The following DLGAP2 variants were observed in gnomAD, a reference collection of about 807,000 sequenced individuals.
The protein encoded by DLGAP2 is disks large-associated protein 2.
DLGAP2 carries 26 observed loss-of-function variants against 100.3 expected under a neutral mutation model. The ratio of observed to expected loss-of-function variants is 0.26; its 90% confidence interval spans 0.19 to 0.36. The LOEUF (loss-of-function observed/expected upper bound fraction) is 0.36. Ranked by LOEUF, DLGAP2 falls within the 10% of genes least tolerant of loss-of-function variation. The pLI, the probability that DLGAP2 is intolerant of heterozygous loss-of-function variation, is 1.00. For missense variants in DLGAP2, 1,858 were observed against 1,453.2 expected (o/e 1.28, Z -4.53); for synonymous variants, 886 against 630.1 (o/e 1.41, Z -6.08).
At chr8:951,797 A>G (rs1295884698) in intron 2 of DLGAP2, among the ~76,000 whole-genome samples, 2 of 152,186 alleles carry the variant, frequency 1.3e-5, no homozygotes, top group African/African-American at 2.4e-5. Context: ...GAGAGTAACT[A>G]ATGACCTTAG....
At chr8:1,054,166 G>C (rs1802804293) in intron 2 of DLGAP2, among the ~76,000 whole-genome samples, 1 of 152,006 alleles carries the variant, frequency 6.6e-6, no homozygotes, top group African/African-American at 2.4e-5. Context: ...TTGAGTACAG[G>C]CATGAATGCA....
intron 1 of DLGAP2, among the ~76,000 whole-genome samples, chr8:814,089 G>A (rs1265572724): frequency 1.3e-5 from 2 of 152,170 alleles, no homozygotes; most frequent in African/African-American, 4.8e-5. Flanking sequence ...TTTGAAGGAA[G>A]GTTTCAGATT....
At chr8:779,096 C>G (rs898470613) in intron 1 of DLGAP2, among the ~76,000 whole-genome samples, 1 of 152,204 alleles carries the variant, frequency 6.6e-6, no homozygotes, top group Non-Finnish European at 1.5e-5. Context: ...GGGAGTGACC[C>G]GATTTTCCAG....
chr8:1,382,805 C>T (rs1409906991), intron 3 of DLGAP2, among the ~76,000 whole-genome samples: 3 of 152,080 alleles, frequency 2.0e-5, no homozygotes, highest in African/African-American at 7.2e-5. Context: ...AATCAGAAGC[C>T]ATATTGAATG....
chr8:1,167,186 G>A (rs73184510), intron 2 of DLGAP2, among the ~76,000 whole-genome samples: 28,439 of 152,034 alleles, frequency 0.19, 2,844 homozygotes, highest in Middle Eastern at 0.34. Flanking sequence ...TGACTTACAT[G>A]ACCGAAAAAG....
At chr8:999,238 C>A (rs1343425969) in intron 2 of DLGAP2, among the ~76,000 whole-genome samples, 1 of 151,728 alleles carries the variant, frequency 6.6e-6, no homozygotes, top group Non-Finnish European at 1.5e-5. Context: ...GTTTTGTCTC[C>A]TGCTTGTTTT....
intron 2 of DLGAP2, among the ~76,000 whole-genome samples, chr8:1,026,292 C>G (rs1427151686): frequency 6.6e-6 from 1 of 152,174 alleles, no homozygotes; most frequent in Non-Finnish European, 1.5e-5. Flanking sequence ...GCCCCATGAC[C>G]CCAACGCTTT....
intron 8 of DLGAP2, among the ~76,000 whole-genome samples, chr8:1,660,583 G>A (rs1390911040): frequency 6.6e-6 from 1 of 152,170 alleles, no homozygotes; most frequent in Non-Finnish European, 1.5e-5. Flanking sequence ...ATTGCTAAAT[G>A]TTTCTTTAAC....
chr8:1,672,538 G>C (rs1019196444), intron 10 of DLGAP2, among the ~76,000 whole-genome samples: 8 of 152,328 alleles, frequency 5.3e-5, no homozygotes, highest in Middle Eastern at 3.4e-3. Context: ...AAGGAGATCA[G>C]TTTCTATTCT....
chr8:830,081 A>G (rs767424854), intron 1 of DLGAP2, among the ~76,000 whole-genome samples: 10 of 152,242 alleles, frequency 6.6e-5, no homozygotes, highest in Non-Finnish European at 1.2e-4. Context: ...AAGTTTTAAT[A>G]TAGTTCTAGG....
intron 3 of DLGAP2, among the ~76,000 whole-genome samples, chr8:1,464,362 ACAACGCCC>A (rs1798558414): frequency 6.8e-6 from 1 of 146,694 alleles, no homozygotes; most frequent in African/African-American, 2.5e-5. Context: ...CCCTTCCAGG[ACAACGCCC>A]TTCCAGGATG....
At chr8:1,222,114 CCGGG>C (rs1798325653) in intron 2 of DLGAP2, among the ~76,000 whole-genome samples, 1 of 152,138 alleles carries the variant, frequency 6.6e-6, no homozygotes, top group Non-Finnish European at 1.5e-5. Context: ...AGAAACATTG[CCGGG>C]GAGCTAGAGC....
chr8:1,613,546 A>AG (rs1797050910), intron 6 of DLGAP2, among the ~76,000 whole-genome samples: 1 of 151,524 alleles, frequency 6.6e-6, no homozygotes, highest in Non-Finnish European at 1.5e-5. Context: ...GTATAATAAA[A>AG]AAAAAAAAAG....
chr8:1,503,078 C>A (rs1584960527), intron 4 of DLGAP2, among the ~76,000 whole-genome samples: 1 of 152,282 alleles, frequency 6.6e-6, no homozygotes, highest in South Asian at 2.1e-4. Flanking sequence ...AGGGATGAGG[C>A]TGGGGGGCGA....
intron 10 of DLGAP2, among the ~76,000 whole-genome samples, chr8:1,675,210 G>T (rs1798783820): frequency 6.6e-6 from 1 of 152,212 alleles, no homozygotes; most frequent in Admixed American, 6.5e-5. Context: ...GATCCACGGC[G>T]GCGGCCGAGA....
chr8:1,165,468 T>C (rs568026338), intron 2 of DLGAP2, among the ~76,000 whole-genome samples: 25 of 152,296 alleles, frequency 1.6e-4, no homozygotes, highest in African/African-American at 5.1e-4. Context: ...GCATTTGTTT[T>C]TGGTGCAAAG....
At chr8:1,060,721 G>C (rs1803055483) in intron 2 of DLGAP2, among the ~76,000 whole-genome samples, 1 of 152,218 alleles carries the variant, frequency 6.6e-6, no homozygotes, top group Non-Finnish European at 1.5e-5. Flanking sequence ...TGTCCTCACT[G>C]AATGACTGCC....
intron 2 of DLGAP2, among the ~76,000 whole-genome samples, chr8:1,188,203 C>G (rs113043884): frequency 6.8e-4 from 56 of 82,206 alleles, no homozygotes; most frequent in African/African-American, 2.2e-3. Flanking sequence ...TGTGACGTTT[C>G]CCTCACGGAA....
intron 2 of DLGAP2, among the ~76,000 whole-genome samples, chr8:966,995 T>C (rs1799887770): frequency 6.6e-6 from 1 of 152,264 alleles, no homozygotes; most frequent in Non-Finnish European, 1.5e-5. Context: ...TGCGTGACAT[T>C]GCAAATATGG....
Sources: gnomAD v4.1 joint callset for allele counts (sites outside exome capture counted in the v4.1 genomes callset) on GRCh38, gnomAD v4.1.1 for gene constraint, MANE v1.5 for transcripts, NCBI Gene and HGNC (gene_info 2026-07-23, HGNC 2026-07-21) for gene names.